ANKRD6: variants seen among roughly 807,000 people sequenced by gnomAD.
The protein encoded by ANKRD6 is ankyrin repeat domain 6.
Under a neutral mutation model 82.3 loss-of-function variants are expected in ANKRD6, and 56 were observed. That is an observed-to-expected ratio of 0.68 (90% CI 0.55 to 0.85). The LOEUF (loss-of-function observed/expected upper bound fraction) is 0.85. Among genes scored for constraint, ANKRD6 ranks in the 40% least tolerant of loss-of-function variants. The pLI is 0.00. For synonymous variants in ANKRD6, 347 were observed against 352.1 expected (o/e 0.99, Z 0.16); for missense variants, 852 against 907.6 (o/e 0.94, Z 0.79).
At chr6:89,477,205 A>G (rs1343550801) in intron 1 of ANKRD6, among the ~76,000 whole-genome samples, 1 of 151,974 alleles carries the variant, frequency 6.6e-6, no homozygotes, top group Non-Finnish European at 1.5e-5. Context: ...CGGCCTCCCA[A>G]AGTGCTGGGA....
chr6:89,572,561 T>C (rs1790159398), intron 2 of ANKRD6, among the ~76,000 whole-genome samples: 1 of 152,248 alleles, frequency 6.6e-6, no homozygotes, highest in South Asian at 2.1e-4. Flanking sequence ...TTTGCTTTTA[T>C]TACCTGTGCT....
chr6:89,460,425 TA>T, intron 1 of ANKRD6, among the ~76,000 whole-genome samples: 1 of 152,128 alleles, frequency 6.6e-6, no homozygotes, highest in Admixed American at 6.6e-5. Flanking sequence ...CCTTATAGAT[TA>T]GCAAGTTTTT....
At chr6:89,453,352 C>A (rs1773089665) in intron 1 of ANKRD6, among the ~76,000 whole-genome samples, 1 of 152,264 alleles carries the variant, frequency 6.6e-6, no homozygotes, top group South Asian at 2.1e-4. Flanking sequence ...AAGTGTTATA[C>A]CCTGTAATTT....
chr6:89,617,804 A>G (rs1035311943), intron 8 of ANKRD6, 150 bp from the exon 9 acceptor site: 13 of 697,266 alleles, frequency 1.9e-5, no homozygotes, highest in Non-Finnish European at 3.0e-5. Flanking sequence ...GACCAGGGCC[A>G]TATCACATAG....
chr6:89,615,433 C>A (rs562073187), intron 7 of ANKRD6, among the ~76,000 whole-genome samples: 14 of 152,340 alleles, frequency 9.2e-5, no homozygotes, highest in Non-Finnish European at 1.6e-4. Flanking sequence ...ATAGCCCCCA[C>A]CAACCAGTGC....
intron 1 of ANKRD6, among the ~76,000 whole-genome samples, chr6:89,553,309 T>C (rs1583243016): frequency 1.3e-5 from 2 of 152,164 alleles, no homozygotes; most frequent in East Asian, 1.9e-4. Flanking sequence ...AGCAAGTATG[T>C]GTCACTGGGA....
chr6:89,516,058 CA>C (rs1781175911), intron 1 of ANKRD6, among the ~76,000 whole-genome samples: 1 of 152,126 alleles, frequency 6.6e-6, no homozygotes, highest in Non-Finnish European at 1.5e-5. Flanking sequence ...TTTTGGCCTC[CA>C]AAACTGTGAG....
chr6:89,625,878 G>A (rs959473090), intron 13 of ANKRD6, among the ~76,000 whole-genome samples: 7 of 151,796 alleles, frequency 4.6e-5, no homozygotes, highest in Admixed American at 3.9e-4. Context: ...GGACTAAGGC[G>A]GACGCCACCA....
chr6:89,480,500 CA>C (rs1457806275), intron 1 of ANKRD6, among the ~76,000 whole-genome samples: 3 of 151,710 alleles, frequency 2.0e-5, no homozygotes, highest in Non-Finnish European at 4.4e-5. Context: ...AAGTAATAAA[CA>C]TCAAGGGCTA....
intron 9 of ANKRD6, chr6:89,619,883 G>C (rs763093361): frequency 6.6e-6 from 1 of 152,160 alleles, no homozygotes; most frequent in East Asian, 1.9e-4. Context: ...ACAGAGTCTC[G>C]CTATGTCACT....
At chr6:89,499,448 A>T (rs753616931) in intron 1 of ANKRD6, among the ~76,000 whole-genome samples, 15 of 152,136 alleles carry the variant, frequency 9.9e-5, no homozygotes, top group Non-Finnish European at 1.8e-4. Context: ...GTCACGCCTG[A>T]TGCCATTCTG....
intron 9 of ANKRD6, chr6:89,621,493 G>T: frequency 5.7e-6 from 1 of 174,556 alleles, no homozygotes; most frequent in Non-Finnish European, 1.2e-5. Flanking sequence ...ACATCTGCTG[G>T]GCTAGCTCAA....
intron 13 of ANKRD6, among the ~76,000 whole-genome samples, chr6:89,625,781 T>C (rs1351987926): frequency 4.6e-5 from 7 of 150,726 alleles, no homozygotes; most frequent in Non-Finnish European, 8.9e-5. Context: ...CTCTGTCACC[T>C]AGAGTGCAGT....
intron 1 of ANKRD6, among the ~76,000 whole-genome samples, chr6:89,478,985 C>G (rs1776440325): frequency 6.6e-6 from 1 of 152,076 alleles, no homozygotes; most frequent in African/African-American, 2.4e-5. Context: ...GACAGTAAGT[C>G]TCTGTTGTTT....
intron 3 of ANKRD6, among the ~76,000 whole-genome samples, chr6:89,597,895 G>A (rs1026266317): frequency 6.6e-6 from 1 of 152,178 alleles, no homozygotes; most frequent in African/African-American, 2.4e-5. Flanking sequence ...TGTTCTCTGT[G>A]TATTTACCAT....
chr6:89,505,335 T>A (rs181319398), intron 1 of ANKRD6, among the ~76,000 whole-genome samples: 1 of 152,338 alleles, frequency 6.6e-6, no homozygotes, highest in East Asian at 1.9e-4. Flanking sequence ...ACAGGATTTC[T>A]GTTGTGAATA....
At position 89,616,257 on chromosome 6, in the gene ANKRD6, T is replaced by A. The variant is rs1801552346; in HGVS notation, c.616-302T>A. ...CCTCCTGCCTGTCCTCCTGTCCTCGTGAGGCTTCAGGTCCCACCATTCTCA... is the reference window on the plus strand; with the variant it reads ...CCTCCTGCCTGTCCTCCTGTCCTCGAGAGGCTTCAGGTCCCACCATTCTCA... On this transcript the variant is annotated intron_variant, in intron 7 of 15. Transcript: ENST00000339746. The A allele has an allele frequency of 1.7e-5, 6 of 357,128 alleles. No homozygotes were observed. The South Asian group carries it at 2.2e-4, about 13-fold the overall frequency. 22.1% of individuals were successfully genotyped at this position (357,128 alleles called of 1,614,324 possible).
At position 89,602,360 on chromosome 6, in the gene ANKRD6, A is replaced by T. The variant is rs533937222; in HGVS notation, c.220-669A>T. ...AGTTCCCTTTGGCGCCTAAAGGAGAACAACGGCCGGCAATCCCAGGAATCC... is the reference window on the plus strand; with the variant it reads ...AGTTCCCTTTGGCGCCTAAAGGAGATCAACGGCCGGCAATCCCAGGAATCC... On this transcript the variant is annotated intron_variant, in intron 3 of 15. Coordinates refer to ENST00000339746, the MANE Select transcript of ANKRD6 (RefSeq NM_001242809.2). The T allele has an allele frequency of 2.6e-5, 4 of 152,380 alleles. No individual in the cohort carries two copies. The East Asian group carries it at 7.7e-4, about 29-fold the overall frequency. 9.4% of individuals were successfully genotyped at this position (152,380 alleles called of 1,614,324 possible).
At chr6:89,552,795 A>G (rs1786027944) in intron 1 of ANKRD6, among the ~76,000 whole-genome samples, 1 of 152,144 alleles carries the variant, frequency 6.6e-6, no homozygotes, top group South Asian at 2.1e-4. Flanking sequence ...TTAAGGCCCA[A>G]GGAAGTTAGT....
Sources: allele counts gnomAD v4.1 joint callset (sites outside exome capture counted in the v4.1 genomes callset), GRCh38; gene constraint gnomAD v4.1.1; transcripts MANE v1.5; gene names NCBI Gene and HGNC (gene_info 2026-07-23, HGNC 2026-07-21).